Variants in TMPRSS11F observed in about 807,000 individuals in gnomAD.
The protein encoded by TMPRSS11F is transmembrane serine protease 11F, also known as transmembrane protease serine 11F.
In TMPRSS11F, 47 loss-of-function variants were observed where a neutral mutation model predicts 60.2. The ratio of observed to expected loss-of-function variants is 0.78; its 90% CI spans 0.62 to 1.00. TMPRSS11F has a LOEUF of 1.00. TMPRSS11F is among the 50% of genes least tolerant of loss of function. TMPRSS11F has a pLI of 0.00. For missense variants in TMPRSS11F, 519 were observed against 522.9 expected (o/e 0.99, Z 0.07); for synonymous variants, 166 against 167.3 (o/e 0.99, Z 0.06).
intron 3 of TMPRSS11F, among the ~76,000 whole-genome samples, chr4:68,082,232 T>C (rs186552004): frequency 1.8e-3 from 278 of 152,226 alleles, no homozygotes; most frequent in Admixed American, 3.0e-3. Context: ...GCTGGGGATC[T>C]CTAGGATCAT....
chr4:68,075,230 C>T (rs1560397920), intron 3 of TMPRSS11F, among the ~76,000 whole-genome samples: 1 of 152,128 alleles, frequency 6.6e-6, no homozygotes, highest in Non-Finnish European at 1.5e-5. Context: ...TTGATTCAAT[C>T]TCATTGCTAT....
chr4:68,056,761 G>A (rs986148974), intron 9 of TMPRSS11F, among the ~76,000 whole-genome samples: 6 of 152,144 alleles, frequency 3.9e-5, no homozygotes, highest in African/African-American at 1.2e-4. Context: ...CAGAGCTACA[G>A]GCCTTATACT....
At chr4:68,087,204 T>G (rs1723831683) in intron 3 of TMPRSS11F, among the ~76,000 whole-genome samples, 1 of 152,144 alleles carries the variant, frequency 6.6e-6, no homozygotes. Context: ...GGGATGCAAG[T>G]GGCTCAACAT....
intron 1 of TMPRSS11F, among the ~76,000 whole-genome samples, chr4:68,127,464 G>A (rs1260461498): frequency 2.0e-5 from 3 of 151,844 alleles, no homozygotes; most frequent in Non-Finnish European, 2.9e-5. Context: ...CACTTGCAGA[G>A]GGCACCAAAT....
At position 68,068,682 on chromosome 4, in the gene TMPRSS11F, G is replaced by A; in HGVS notation, c.691C>T (p.His231Tyr). The change falls in exon 7 of 10, where the codon CAT becomes TAT. Residue 231 changes from histidine to tyrosine, a missense_variant. Transcript: ENST00000356291. ...QASLQLIGSG[H>Y]QCGASLISNT... ...CTGATGAGGCTGGCTCCACACTGAT[G>A]GCCTGACCCTATGAGCTGGAGGCTG... The A allele has an allele frequency of 6.2e-7, 1 of 1,614,150 alleles. No individual in the cohort carries two copies. Among genetic ancestry groups the A allele is most frequent in the East Asian group, 2.2e-5 (1 of 44,878 alleles).
intron 3 of TMPRSS11F, among the ~76,000 whole-genome samples, chr4:68,083,857 T>C (rs1416702038): frequency 1.6e-4 from 25 of 152,024 alleles, no homozygotes; most frequent in Admixed American, 1.6e-3. Context: ...ACTACAGATA[T>C]AGAATGTAGA....
At chr4:68,079,141 T>C (rs553651824) in intron 3 of TMPRSS11F, among the ~76,000 whole-genome samples, 21 of 151,238 alleles carry the variant, frequency 1.4e-4, no homozygotes, top group Non-Finnish European at 2.5e-4. Context: ...TGGCAGGCAT[T>C]GGACTGATTC....
intron 3 of TMPRSS11F, among the ~76,000 whole-genome samples, chr4:68,090,054 T>A (rs533611676): frequency 2.2e-4 from 34 of 152,188 alleles, no homozygotes; most frequent in African/African-American, 7.7e-4. Flanking sequence ...GATAAATACA[T>A]AAGCTATTTA....
At chr4:68,055,131 G>A (rs1396421948) in intron 9 of TMPRSS11F, among the ~76,000 whole-genome samples, 1 of 152,206 alleles carries the variant, frequency 6.6e-6, no homozygotes, top group South Asian at 2.1e-4. Flanking sequence ...AAAAAAGGAG[G>A]TGGATGTAGA....
intron 1 of TMPRSS11F, among the ~76,000 whole-genome samples, chr4:68,126,131 C>G (rs1724708709): frequency 6.6e-6 from 1 of 151,964 alleles, no homozygotes. Context: ...GTTATAAACA[C>G]CATAAAAGTA....
intron 3 of TMPRSS11F, among the ~76,000 whole-genome samples, chr4:68,084,898 C>G (rs1264078677): frequency 1.5e-5 from 2 of 130,042 alleles, no homozygotes; most frequent in Admixed American, 8.0e-5. Context: ...CCCCACCCCA[C>G]CACAGTCCCC....
chr4:68,102,560 T>C (rs1377787874), intron 1 of TMPRSS11F, among the ~76,000 whole-genome samples: 2 of 152,178 alleles, frequency 1.3e-5, no homozygotes, highest in African/African-American at 4.8e-5. Flanking sequence ...TTACATTTTT[T>C]TGATGATTAA....
At chr4:68,056,475 A>G (rs1723049004) in intron 9 of TMPRSS11F, among the ~76,000 whole-genome samples, 1 of 151,850 alleles carries the variant, frequency 6.6e-6, no homozygotes, top group Admixed American at 6.6e-5. Flanking sequence ...GAGTAAATTT[A>G]ACTGAAGAGG....
At chr4:68,106,091 C>G (rs976478735) in intron 1 of TMPRSS11F, among the ~76,000 whole-genome samples, 1 of 152,066 alleles carries the variant, frequency 6.6e-6, no homozygotes, top group Non-Finnish European at 1.5e-5. Flanking sequence ...CATAAAATAA[C>G]TATCATTATT....
chr4:68,074,691 T>G (rs987772182), intron 3 of TMPRSS11F, among the ~76,000 whole-genome samples: 25 of 151,190 alleles, frequency 1.7e-4, no homozygotes, highest in African/African-American at 6.1e-4. Flanking sequence ...CAGCATTTCA[T>G]TACTTAGCTT....
At chr4:68,084,221 G>A (rs1723761524) in intron 3 of TMPRSS11F, among the ~76,000 whole-genome samples, 1 of 151,994 alleles carries the variant, frequency 6.6e-6, no homozygotes, top group African/African-American at 2.4e-5. Context: ...CAAGAAGAGA[G>A]AGGAACAACT....
At chr4:68,120,291 A>G (rs1317422883) in intron 1 of TMPRSS11F, among the ~76,000 whole-genome samples, 1 of 152,056 alleles carries the variant, frequency 6.6e-6, no homozygotes, top group African/African-American at 2.4e-5. Flanking sequence ...GCAGTGGCAG[A>G]GTTTCAGAGG....
chr4:68,113,533 A>C (rs4860902), intron 1 of TMPRSS11F, among the ~76,000 whole-genome samples: 47,315 of 152,092 alleles, frequency 0.31, 7,513 homozygotes, highest in East Asian at 0.49. Context: ...CCAAGAACTA[A>C]AGAAAGATGA....
intron 1 of TMPRSS11F, among the ~76,000 whole-genome samples, chr4:68,121,408 T>A (rs1283123053): frequency 6.6e-6 from 1 of 152,224 alleles, no homozygotes; most frequent in Non-Finnish European, 1.5e-5. Flanking sequence ...ATATTACTTG[T>A]AGATGTTGAA....
Sources: allele counts gnomAD v4.1 joint callset (sites outside exome capture counted in the v4.1 genomes callset), GRCh38; gene constraint gnomAD v4.1.1; transcripts MANE v1.5; gene names NCBI Gene and HGNC (gene_info 2026-07-23, HGNC 2026-07-21).